Variants in MFRP observed in about 807,000 individuals in gnomAD.
MFRP encodes C1q and TNF related 5.
Under a neutral mutation model 65.8 loss-of-function variants are expected in MFRP, and 74 were observed. That is an observed-to-expected ratio of 1.12 (90% CI 0.93 to 1.36). The LOEUF (loss-of-function observed/expected upper bound fraction) is 1.36, where lower values mean the gene tolerates loss of function less well. MFRP is among the 40% of genes most tolerant of loss of function. The probability of loss-of-function intolerance (pLI) is 0.00; values close to 1 mark genes in which losing one functional copy is unlikely to be tolerated. For missense variants in MFRP, 838 were observed against 736.0 expected, an observed-to-expected ratio of 1.14 and a Z score of -1.60; for synonymous variants, 336 against 288.3, an observed-to-expected ratio of 1.17 and a Z score of -1.68.
chr11:119,339,948 A>C lies in MFRP; in HGVS notation c.*1111-100T>G, dbSNP rs919684721. 7.3e-7 allele frequency: 1 copy of C among 1,377,346 alleles called. No homozygotes were observed. Among genetic ancestry groups the C allele is most frequent in the Non-Finnish European group, 9.4e-7 (1 of 1,059,386 alleles). The allele number at this position is 1,377,346 out of a possible 1,614,324, so 85.3% of individuals were successfully genotyped here. Reference sequence around the variant, plus strand: ...CCGTACCCCTCCCCGCCCCTGCCTGAGCTTCGGCCAGCGCCTCCTCCCGCA... The same window carrying C: ...CCGTACCCCTCCCCGCCCCTGCCTGCGCTTCGGCCAGCGCCTCCTCCCGCA... On this transcript the variant is annotated intron_variant, in intron 14 of 14. Transcript: ENST00000619721. This position sits in a 1 kb window ranked among gnomAD's most constrained non-coding sequence, Gnocchi z 5.4.
At chr11:119,345,141 C>T (rs1294977756) in intron 5 of MFRP, 137 bp from the exon 6 acceptor site, 2 of 1,165,202 alleles carry the variant, frequency 1.7e-6, no homozygotes, top group African/African-American at 1.5e-5. Context: ...CCTCTGATGT[C>T]CCAGGGAGCT....
rs999112328 is a variant in MFRP, at chr11:119,343,879, C to G, written c.1061G>C (p.Cys354Ser). ...HNFSLEAQDECKFDYVEVYET... is the reference protein window; with the variant it reads ...HNFSLEAQDESKFDYVEVYET... ...ATACACCTCCACGTAGTCAAACTTG[C>G]ACTCGTCCTGAGCCTCCAGGCTGAA... The change falls in exon 9 of 15, where the codon TGC becomes TCC. Residue 354 changes from cysteine (C) to serine (S), a missense_variant. By Grantham distance (112) the Cys-to-Ser change is moderately radical. Coordinates refer to ENST00000619721, the MANE Select transcript of MFRP (RefSeq NM_031433.4). 6.2e-7 allele frequency: 1 copy of G among 1,613,980 alleles called. No individual in the cohort carries two copies. The highest frequency in any genetic ancestry group is 1.6e-4 in the Middle Eastern group (1 of 6,062).
intron 8 of MFRP, 138 bp downstream of exon 8, chr11:119,344,177 C>G (rs777069267): frequency 2.1e-6 from 2 of 973,634 alleles, no homozygotes; most frequent in Non-Finnish European, 3.2e-6. Flanking sequence ...TAATAATATT[C>G]CCCCATCCCC....
chr11:119,341,791 C>T lies in MFRP; in HGVS notation c.1516-19G>A, dbSNP rs200556504. 659 of 1,613,288 alleles carry T rather than the reference C, an allele frequency of 4.1e-4. No individual in the cohort carries two copies. Among genetic ancestry groups the T allele is most frequent in the Non-Finnish European group, 5.2e-4 (616 of 1,179,966 alleles). On this transcript the variant is annotated intron_variant, in intron 12 of 14. Coordinates refer to ENST00000619721, the MANE Select transcript of MFRP (RefSeq NM_031433.4). ...TCAGGCTCTGCGGAGGGAGAGTGGC[C>T]TTCAGGCACCTGCTCCCAGGCTCCT... is the stretch of plus-strand genomic sequence containing the variant.
chr11:119,341,859 T>C lies in MFRP; in HGVS notation c.1513A>G (p.Lys505Glu). The change falls in exon 12 of 15, where the codon AAG becomes GAG. Residue 505 changes from lysine to glutamate, a missense_variant and splice_region_variant. Coordinates refer to ENST00000619721, the MANE Select transcript of MFRP (RefSeq NM_031433.4). ...EEVVEVLSGYKSLTSLPCYQH... is the reference protein window; with the variant it reads ...EEVVEVLSGYESLTSLPCYQH... ...CTCCTTCCCTCCACCCAGAAGACCT[T>C]GTAACCGCTGAGGACCTCTACCACC... The C allele has an allele frequency of 6.2e-7, 1 of 1,613,910 alleles. No individual in the cohort carries two copies. The highest frequency in any genetic ancestry group is 8.5e-7 in the Non-Finnish European group (1 of 1,179,980).
intron 8 of MFRP, 103 bp from the exon 9 acceptor site, chr11:119,344,067 TG>T: frequency 6.9e-7 from 1 of 1,458,920 alleles, no homozygotes; most frequent in Non-Finnish European, 9.5e-7. Flanking sequence ...GGGGATGGGG[TG>T]GTGCTTTCAT....
chr11:119,340,156 A>G, intron 14 of MFRP, 28 bp downstream of exon 14: 2 of 1,506,554 alleles, frequency 1.3e-6, no homozygotes, highest in Non-Finnish European at 1.8e-6. Context: ...GGACATCGCC[A>G]CCGATAGCCG....
Position 119,341,722 on chromosome 11 carries a change from C to T in MFRP, c.1566G>A (p.Gly522=). Residue 522 remains glycine, a synonymous_variant, in exon 13 of 15, where the codon GGG becomes GGA. Coordinates refer to ENST00000619721, the MANE Select transcript of MFRP (RefSeq NM_031433.4). ...CYQHFRRLLC[G]LLVPRCTPLG... ...GTGGGGTGCAACGGGGCACAAGCAG[C>T]CCACACAGGAGCCTCCGGAAATGCT... 6.2e-7 allele frequency: 1 copy of T among 1,613,274 alleles called. No homozygotes were observed. The highest frequency in any genetic ancestry group is 1.1e-5 in the South Asian group (1 of 91,088).
Position 119,339,563 on chromosome 11 carries a change from T to A in MFRP, c.*1396A>T, listed in dbSNP as rs1464195460. On this transcript the variant is annotated 3_prime_UTR_variant, in exon 15 of 15. Coordinates refer to ENST00000619721, the MANE Select transcript of MFRP (RefSeq NM_031433.4). The surrounding 1 kb of genome is among the most constrained non-coding windows in gnomAD (Gnocchi z 5.4). ...AATGGATTCGCCATTCTTCACCAGA[T>A]CAAACTGCAGGCTGGCCCGGTAGAC... 1 of 1,613,126 alleles carries A rather than the reference T, an allele frequency of 6.2e-7. No individual in the cohort carries two copies. Among genetic ancestry groups the A allele is most frequent in the Non-Finnish European group, 8.5e-7 (1 of 1,180,004 alleles).
chr11:119,342,080 G>A, intron 11 of MFRP, 96 bp from the exon 12 acceptor site: 1 of 1,478,772 alleles, frequency 6.8e-7, no homozygotes, highest in Non-Finnish European at 9.3e-7. Context: ...GTGTACATGG[G>A]TCCAATGGGG....
chr11:119,345,056 A>G (rs1427787868), intron 5 of MFRP, 52 bp from the exon 6 acceptor site: 1 of 1,579,744 alleles, frequency 6.3e-7, no homozygotes, highest in South Asian at 1.2e-5. Context: ...AGGGTCAGCC[A>G]GAGAGGAGCT....
At chr11:119,345,074 G>A (rs536735773) in intron 5 of MFRP, 70 bp from the exon 6 acceptor site, 34 of 1,553,384 alleles carry the variant, frequency 2.2e-5, no homozygotes, top group South Asian at 1.9e-4. Flanking sequence ...GCTTGCCTGG[G>A]CCTTGCAGTC....
chr11:119,346,003 T>A, intron 3 of MFRP, 43 bp downstream of exon 3: 1 of 1,612,930 alleles, frequency 6.2e-7, no homozygotes, highest in East Asian at 2.2e-5. Flanking sequence ...CTCATGGAGT[T>A]TCATTCCAAA....
rs549339039 is a variant in MFRP, at chr11:119,342,508, T to A, written c.1387+88A>T. 1,249 of 1,536,410 alleles carry A rather than the reference T, an allele frequency of 8.1e-4. 10 individuals carry two copies. In the South Asian group the frequency reaches 9.3e-3, roughly 11 times the overall value. On this transcript the variant is annotated intron_variant, in intron 11 of 14. Coordinates refer to ENST00000619721, the MANE Select transcript of MFRP (RefSeq NM_031433.4). ...AGCTGGCCCCGCCCCCTCAGGGAGG[T>A]TGGGATGGGACACTGTGCAGTACGG...
Position 119,343,889 on chromosome 11 carries a change from G to A in MFRP, c.1051C>T (p.Gln351Ter). The A allele has an allele frequency of 6.2e-7, 1 of 1,613,936 alleles. No individual in the cohort carries two copies. The highest frequency in any genetic ancestry group is 8.5e-7 in the Non-Finnish European group (1 of 1,180,010). The change falls in exon 9 of 15, where the codon CAG becomes TAG. Residue 351 changes from glutamine (Q) to a stop codon, truncating the protein, a stop_gained. Transcript: ENST00000619721. LOFTEE classifies it high-confidence loss of function. ...ACGTAGTCAAACTTGCACTCGTCCT[G>A]AGCCTCCAGGCTGAAGTTGTGGAAC... ...LQFHNFSLEAQDECKFDYVEV... is the reference protein window; with the variant it reads ...LQFHNFSLEA
intron 4 of MFRP, 38 bp downstream of exon 4, chr11:119,345,735 T>C: frequency 6.2e-7 from 1 of 1,613,298 alleles, no homozygotes; most frequent in Non-Finnish European, 8.5e-7. Context: ...CCCGTCATCT[T>C]GGGCCCTTCT....
In MFRP at chr11:119,346,222, G is replaced by C. The variant is rs768463007; in HGVS notation, c.157+50C>G. On this transcript the variant is annotated intron_variant, in intron 2 of 14. Coordinates refer to ENST00000619721, the MANE Select transcript of MFRP (RefSeq NM_031433.4). ...GTTGGGTATTCCTCATGCTGTCCTT[G>C]GCTCCTGGGCCTCTCTGTCCTCCCC... 2.5e-6 allele frequency: 4 copies of C among 1,569,494 alleles called. No homozygotes were observed. In the Admixed American group the frequency reaches 7.5e-5, roughly 29 times the overall value.
rs915976130 is a variant in MFRP at position 119,343,928 on chromosome 11, T to C, written c.1012A>G (p.Ser338Gly). The change falls in exon 9 of 15, where the codon AGC becomes GGC. Residue 338 changes from serine to glycine, a missense_variant. Coordinates refer to ENST00000619721, the MANE Select transcript of MFRP (RefSeq NM_031433.4). ...AAGTTGTGGAACTGTAGTTCTATGC[T>C]GTGTCCGGCAGGCACCGAGATATGC... Reference protein sequence around the residue: ...TWHISVPAGHSIELQFHNFSL... With the variant: ...TWHISVPAGHGIELQFHNFSL... 1 of 1,613,184 alleles carries C rather than the reference T, an allele frequency of 6.2e-7. No individual in the cohort carries two copies. The highest frequency in any genetic ancestry group is 8.5e-7 in the Non-Finnish European group (1 of 1,179,880).
intron 5 of MFRP, 109 bp downstream of exon 5, chr11:119,345,311 G>A (rs1950550603): frequency 8.7e-7 from 1 of 1,152,766 alleles, no homozygotes; most frequent in Non-Finnish European, 1.3e-6. Context: ...CAGAGGTCTA[G>A]TCTCTCAATT....
Sources: allele counts gnomAD v4.1 joint callset, GRCh38; gene constraint gnomAD v4.1.1; non-coding constraint Gnocchi (gnomAD v3.1); transcripts MANE v1.5; gene names NCBI Gene and HGNC (gene_info 2026-07-23, HGNC 2026-07-21).